MALSU1: variants seen among roughly 807,000 people sequenced by gnomAD.
MALSU1 encodes mitochondrial assembly of ribosomal large subunit protein 1.
In MALSU1, 22 loss-of-function variants were observed where a neutral mutation model predicts 22.1. The observed-to-expected ratio is 1.00, with a 90% CI of 0.71 to 1.42. The LOEUF is 1.42. Among genes scored for constraint, MALSU1 ranks in the 40% most tolerant of loss-of-function variants. The pLI is 0.00. For synonymous variants in MALSU1, 153 were observed against 118.5 expected (o/e 1.29, Z -1.89); for missense variants, 379 against 308.3 (o/e 1.23, Z -1.72).
At chr7:23,309,298 G>A (rs759550483) in intron 3 of MALSU1, 58 bp from the exon 4 acceptor site, 9 of 1,456,848 alleles carry the variant, frequency 6.2e-6, no homozygotes, top group Non-Finnish European at 8.4e-6. Context: ...GTGTTGTAAG[G>A]TAAGAATAAA....
Position 23,299,414 on chromosome 7 carries a change from C to T in MALSU1, c.62C>T (p.Ser21Phe). The change falls in exon 1 of 4, where the codon TCC becomes TTC. Residue 21 changes from serine to phenylalanine, a missense_variant. By Grantham distance (155) the Ser-to-Phe change is radical. Transcript: ENST00000466681. ...LAPLMWRRAV[S>F]SVAGSAVGAE... ...CCACTAATGTGGCGCAGGGCGGTTT[C>T]CTCGGTGGCGGGGTCCGCGGTTGGA... The T allele has an allele frequency of 4.4e-6, 7 of 1,601,436 alleles. No homozygotes were observed. The highest frequency in any genetic ancestry group is 5.9e-6 in the Non-Finnish European group (7 of 1,178,116).
Position 23,300,910 on chromosome 7 carries a change from T to A in MALSU1, c.328T>A (p.Cys110Ser). The A allele has an allele frequency of 1.2e-6, 2 of 1,614,084 alleles. No homozygotes were observed. Among genetic ancestry groups the A allele is most frequent in the Non-Finnish European group, 8.5e-7 (1 of 1,179,962 alleles). ...GAGGCAAGAAAATGCAAGAGACATT[T>A]GTGTGATCCAGGTTCCTCCAGAAAT... ...LLRQENARDI[C>S]VIQVPPEMRY... Residue 110 changes from cysteine (C) to serine (S), a missense_variant, in exon 2 of 4, where the codon TGT (cysteine) becomes AGT (serine). Cys to Ser is a moderately radical substitution (Grantham distance 112). Coordinates refer to ENST00000466681, the MANE Select transcript of MALSU1 (RefSeq NM_138446.2).
At position 23,307,944 on chromosome 7, in the gene MALSU1, AT is replaced by A. The variant is rs1403880715; in HGVS notation, c.516del (p.Phe172LeufsTer5). The A allele has an allele frequency of 4.3e-6, 7 of 1,612,084 alleles. No individual in the cohort carries two copies. The highest frequency in any genetic ancestry group is 5.9e-6 in the Non-Finnish European group (7 of 1,178,118). On this transcript the variant is annotated frameshift_variant, in exon 3 of 4. Coordinates refer to ENST00000466681, the MANE Select transcript of MALSU1 (RefSeq NM_138446.2). LOFTEE classifies it high-confidence loss of function. ...GKDTDDWLCV[D>X]FGSMVIHLML... is the part of the protein sequence containing the mutation. ...GACACTGATGACTGGCTGTGCGTGGATTTTGGTAAGTTATTCTGGCGTATTT... is the reference window on the plus strand; with the variant it reads ...GACACTGATGACTGGCTGTGCGTGGATTTGGTAAGTTATTCTGGCGTATTT...
intron 2 of MALSU1, among the ~76,000 whole-genome samples, chr7:23,305,516 C>G (rs745427402): frequency 6.6e-6 from 1 of 151,702 alleles, no homozygotes. Flanking sequence ...GCTGAGGTTA[C>G]AGGTGCCCGC....
rs201173078 is a variant in MALSU1 at position 23,307,790 on chromosome 7, AC to A, written c.436-77del. The A allele has an allele frequency of 2.2e-3, 1,900 of 867,124 alleles. 15 individuals carry two copies. The highest frequency in any genetic ancestry group is 7.6e-3 in the South Asian group (478 of 62,956). 53.7% of individuals were successfully genotyped at this position (867,124 alleles called of 1,614,324 possible). ...AAGATTAAAAAAAACAAACAAACAA[AC>A]AAAAAAAAAAGACCTTCAGCAAGAA... On this transcript the variant is annotated intron_variant, in intron 2 of 3. Transcript: ENST00000466681.
At chr7:23,307,501 C>A (rs1783736899) in intron 2 of MALSU1, among the ~76,000 whole-genome samples, 1 of 152,108 alleles carries the variant, frequency 6.6e-6, no homozygotes, top group Non-Finnish European at 1.5e-5. Context: ...GCTTTATAAA[C>A]AGAAGGTAGT....
At chr7:23,302,532 C>T (rs1023177000) in intron 2 of MALSU1, among the ~76,000 whole-genome samples, 1 of 152,094 alleles carries the variant, frequency 6.6e-6, no homozygotes, top group African/African-American at 2.4e-5. Flanking sequence ...ACTAGGAAAG[C>T]ATAAAGAAGA....
At chr7:23,307,614 C>A in intron 2 of MALSU1, 1 of 370,458 alleles carries the variant, frequency 2.7e-6, no homozygotes. Context: ...GCCTCAGAGG[C>A]ACCTTGGTGA....
intron 2 of MALSU1, among the ~76,000 whole-genome samples, chr7:23,303,297 C>T (rs1783672511): frequency 1.3e-5 from 2 of 152,162 alleles, no homozygotes; most frequent in South Asian, 4.1e-4. Context: ...AGATTTGTGA[C>T]CGACTTATCT....
At chr7:23,306,247 T>C (rs1419338325) in intron 2 of MALSU1, among the ~76,000 whole-genome samples, 2 of 152,172 alleles carry the variant, frequency 1.3e-5, no homozygotes, top group African/African-American at 4.8e-5. Context: ...GTAAATGGAA[T>C]TCTAAAAACT....
chr7:23,305,904 A>T (rs1340230996), intron 2 of MALSU1, among the ~76,000 whole-genome samples: 2 of 152,038 alleles, frequency 1.3e-5, no homozygotes, highest in Admixed American at 6.6e-5. Context: ...GGTTAAGATT[A>T]TTCTGCTAGG....
intron 1 of MALSU1, among the ~76,000 whole-genome samples, chr7:23,300,098 C>T (rs1369684101): frequency 6.6e-6 from 1 of 152,048 alleles, no homozygotes; most frequent in East Asian, 1.9e-4. Flanking sequence ...GAGGGAGAGG[C>T]CTTAGTGGGC....
Position 23,309,611 on chromosome 7 carries a change from T to C in MALSU1, c.*68T>C. On this transcript the variant is annotated 3_prime_UTR_variant, in exon 4 of 4. Coordinates refer to ENST00000466681, the MANE Select transcript of MALSU1 (RefSeq NM_138446.2). The stretch of plus-strand genomic sequence containing the variant: ...GTCACTTATTGGAAAATACAGCTCC[T>C]AAAGTCCGTCTCCTTGGTTAGGCTG... 7.7e-7 allele frequency: 1 copy of C among 1,295,188 alleles called. No individual in the cohort carries two copies. Among genetic ancestry groups the C allele is most frequent in the South Asian group, 1.5e-5 (1 of 68,280 alleles). 80.2% of individuals were successfully genotyped at this position (1,295,188 alleles called of 1,614,324 possible).
Position 23,309,606 on chromosome 7 carries a change from G to C in MALSU1, c.*63G>C. Reference sequence around the variant, plus strand: ...ATTGAGTCACTTATTGGAAAATACAGCTCCTAAAGTCCGTCTCCTTGGTTA... The same window carrying C: ...ATTGAGTCACTTATTGGAAAATACACCTCCTAAAGTCCGTCTCCTTGGTTA... On this transcript the variant is annotated 3_prime_UTR_variant, in exon 4 of 4. Transcript: ENST00000466681. 1 of 1,344,364 alleles carries C rather than the reference G, an allele frequency of 7.4e-7. No individual in the cohort carries two copies. Among genetic ancestry groups the C allele is most frequent in the Non-Finnish European group, 1.0e-6 (1 of 989,746 alleles). 83.3% of individuals were successfully genotyped at this position (1,344,364 alleles called of 1,614,324 possible).
At chr7:23,300,185 T>C (rs1042854424) in intron 1 of MALSU1, among the ~76,000 whole-genome samples, 7 of 152,054 alleles carry the variant, frequency 4.6e-5, no homozygotes, top group African/African-American at 1.7e-4. Flanking sequence ...TACTCCAAGC[T>C]GAAGATCAGA....
At position 23,310,408 on chromosome 7, in the gene MALSU1, G is replaced by T. The variant is rs2128489974; in HGVS notation, c.*865G>T. ...TAAAATATGATTTGCCATACTAAAA[G>T]GCTAGAAGTGAAATATGACAGAATT... On this transcript the variant is annotated 3_prime_UTR_variant, in exon 4 of 4. Coordinates refer to ENST00000466681, the MANE Select transcript of MALSU1 (RefSeq NM_138446.2). The T allele has an allele frequency of 6.6e-6, 1 of 152,248 alleles. No homozygotes were observed. The highest frequency in any genetic ancestry group is 2.1e-4 in the South Asian group (1 of 4,820). The allele number at this position is 152,248 out of a possible 1,614,324, so 9.4% of individuals were successfully genotyped here. A position where few individuals can be genotyped will look rare whatever the true frequency, so the allele number is the denominator to read the frequency against.
Position 23,299,356 on chromosome 7 carries a change from G to C in MALSU1, c.4G>C (p.Gly2Arg), listed in dbSNP as rs1391819256. 1 of 1,571,154 alleles carries C rather than the reference G, an allele frequency of 6.4e-7. No individual in the cohort carries two copies. The highest frequency in any genetic ancestry group is 8.6e-7 in the Non-Finnish European group (1 of 1,163,874). Residue 2 changes from glycine to arginine, a missense_variant, in exon 1 of 4, where the codon GGG becomes CGG. By Grantham distance (125) the Gly-to-Arg change is moderately radical. Coordinates refer to ENST00000466681, the MANE Select transcript of MALSU1 (RefSeq NM_138446.2). Reference protein sequence around the residue: MGPGGRVARLLA... With the variant: MRPGGRVARLLA... ...ACGCCGACGCAAGGCTGCTGCTATG[G>C]GGCCGGGCGGCCGTGTGGCGCGGCT...
chr7:23,308,460 T>A (rs1783753899), intron 3 of MALSU1, among the ~76,000 whole-genome samples: 2 of 152,190 alleles, frequency 1.3e-5, no homozygotes, highest in Admixed American at 1.3e-4. Flanking sequence ...AGGGGAAACA[T>A]AACTGTATGT....
intron 2 of MALSU1, chr7:23,301,276 T>G: frequency 3.4e-6 from 1 of 290,946 alleles, no homozygotes; most frequent in Non-Finnish European, 6.4e-6. Flanking sequence ...TTTTTTCTAA[T>G]TGAGATGGAG....
Sources: allele counts gnomAD v4.1 joint callset (sites outside exome capture counted in the v4.1 genomes callset), GRCh38; gene constraint gnomAD v4.1.1; transcripts MANE v1.5; gene names NCBI Gene and HGNC (gene_info 2026-07-23, HGNC 2026-07-21).